The following TAOK2 variants were observed in gnomAD, a reference collection of about 807,000 sequenced individuals.
TAOK2 encodes the protein serine/threonine-protein kinase TAO2.
In TAOK2, 42 loss-of-function variants were observed where a neutral mutation model predicts 122.5. The ratio of observed to expected loss-of-function variants is 0.34; its 90% CI spans 0.27 to 0.44. The LOEUF is 0.44. Among genes scored for constraint, TAOK2 ranks in the 20% least tolerant of loss-of-function variants. The probability of loss-of-function intolerance (pLI) is 1.00; values close to 1 mark genes in which losing one functional copy is unlikely to be tolerated. For missense variants in TAOK2, 1,264 were observed against 1,644.9 expected (o/e 0.77, Z 4.01); for synonymous variants, 704 against 677.6 (o/e 1.04, Z -0.61).
downstream of TAOK2, chr16:29,991,367 GC>G: frequency 6.3e-7 from 1 of 1,588,914 alleles, no homozygotes; most frequent in Non-Finnish European, 8.6e-7. This position sits in a 1 kb window ranked among gnomAD's most constrained non-coding sequence, Gnocchi z 5.6. Context: ...ACTGGCTGGG[GC>G]CCCCCACACA....
Position 29,986,549 on chromosome 16 carries a change from T to G in TAOK2, c.2277T>G (p.Pro759=), listed in dbSNP as rs1367028795. ...QRPPGLPLPI[P]GALGPPNTGT... Reference sequence around the variant, plus strand: ...CCCCGGGCCTTCCACTCCCCATTCCTGGGGCTCTGGGCCCACCCAACACAG... The same window carrying G: ...CCCCGGGCCTTCCACTCCCCATTCCGGGGGCTCTGGGCCCACCCAACACAG... The change falls in exon 16 of 16, where the codon CCT becomes CCG. Residue 759 remains proline, a synonymous_variant. Coordinates refer to ENST00000308893, the MANE Select transcript of TAOK2 (RefSeq NM_016151.4). This position sits in a 1 kb window ranked among gnomAD's most constrained non-coding sequence, Gnocchi z 4.2. 4.3e-6 allele frequency: 7 copies of G among 1,613,724 alleles called. No individual in the cohort carries two copies. The highest frequency in any genetic ancestry group is 5.9e-6 in the Non-Finnish European group (7 of 1,179,878).
chr16:29,985,670 A>G lies in TAOK2; in HGVS notation c.1801A>G (p.Asn601Asp). ...KEQLKEELQE[N>D]PSTPKREKAE... ...TGCACTCGCCCAGGAGCTCCAGGAG[A>G]ACCCCAGCACTCCCAAGCGGGAGAA... Residue 601 changes from asparagine to aspartate, a missense_variant, in exon 15 of 16, where the codon AAC becomes GAC. By Grantham distance (23) the Asn-to-Asp change is conservative (BLOSUM62 1). Coordinates refer to ENST00000308893, the MANE Select transcript of TAOK2 (RefSeq NM_016151.4). This position sits in a 1 kb window ranked among gnomAD's most constrained non-coding sequence, Gnocchi z 6.9. The G allele has an allele frequency of 6.2e-7, 1 of 1,609,838 alleles. No individual in the cohort carries two copies. Among genetic ancestry groups the G allele is most frequent in the Non-Finnish European group, 8.5e-7 (1 of 1,178,284 alleles).
Position 29,982,068 on chromosome 16 carries a change from C to A in TAOK2, c.831+128C>A. On this transcript the variant is annotated intron_variant, in intron 10 of 15. Transcript: ENST00000308893. ...CTTCGTTGATGAATTCCCACCCCAT[C>A]CCCAATGCCTAGTGGACTCTGTGTT... The A allele has an allele frequency of 1.6e-5, 12 of 732,226 alleles. No individual in the cohort carries two copies. In the South Asian group the frequency reaches 1.9e-4, roughly 12 times the overall value. The allele number at this position is 732,226 out of a possible 1,614,324, so 45.4% of individuals were successfully genotyped here.
At position 29,979,649 on chromosome 16, in the gene TAOK2, A is replaced by G; in HGVS notation, c.655+141A>G. On this transcript the variant is annotated intron_variant, in intron 8 of 15. Transcript: ENST00000308893. This position sits in a 1 kb window ranked among gnomAD's most constrained non-coding sequence, Gnocchi z 4.1. ...CGTTGTGACTCTACCCTGGAGCCCA[A>G]TACAGGCAGCTGGCAAATTCTGCCA... 1.5e-6 allele frequency: 1 copy of G among 648,288 alleles called. No homozygotes were observed. The allele number at this position is 648,288 out of a possible 1,614,324, so 40.2% of individuals were successfully genotyped here. A position where few individuals can be genotyped will look rare whatever the true frequency, so the allele number is the denominator to read the frequency against.
chr16:29,988,593 G>A (rs530630255), downstream of TAOK2: 24 of 985,388 alleles, frequency 2.4e-5, no homozygotes, highest in African/African-American at 5.2e-5. Flanking sequence ...TCTGGGGTCT[G>A]GGCCCCTGTA....
In TAOK2 at chr16:29,979,531, CTCA is replaced by C. The variant is rs1567239973; in HGVS notation, c.655+29_655+31del. ...TGGGTAAGAACATCCTCCCTGTTCCCTCATCATCTTTTCCATTCTTTCCTGTTA... is the reference window on the plus strand; with the variant it reads ...TGGGTAAGAACATCCTCCCTGTTCCCTCATCTTTTCCATTCTTTCCTGTTA... On this transcript the variant is annotated intron_variant, in intron 8 of 15. Transcript: ENST00000308893. This position sits in a 1 kb window ranked among gnomAD's most constrained non-coding sequence, Gnocchi z 4.1. 6 of 1,484,240 alleles carry C rather than the reference CTCA, an allele frequency of 4.0e-6. No individual in the cohort carries two copies. In the African/African-American group the frequency reaches 5.6e-5, roughly 14 times the overall value. The allele number at this position is 1,484,240 out of a possible 1,614,324, so 91.9% of individuals were successfully genotyped here. A position where few individuals can be genotyped will look rare whatever the true frequency, so the allele number is the denominator to read the frequency against.
intron 10 of TAOK2, 34 bp downstream of exon 10, chr16:29,981,974 C>T (rs557122951): frequency 1.5e-4 from 242 of 1,562,502 alleles, no homozygotes; most frequent in Non-Finnish European, 2.1e-4. Context: ...TCTCCTGGAA[C>T]TGTAGCTTGT....
rs368657106 is a variant in TAOK2, at chr16:29,979,398, C to T, written c.564-19C>T. 4.4e-6 allele frequency: 7 copies of T among 1,600,514 alleles called. No homozygotes were observed. The highest frequency in any genetic ancestry group is 2.2e-5 in the East Asian group (1 of 44,730). On this transcript the variant is annotated intron_variant, in intron 7 of 15. Coordinates refer to ENST00000308893, the MANE Select transcript of TAOK2 (RefSeq NM_016151.4). This position sits in a 1 kb window ranked among gnomAD's most constrained non-coding sequence, Gnocchi z 4.1. ...GTCTCGGCGGGTGATTTGCCTCTCTCTCCTGACCATTCTCCTAGGATGGCA... is the reference window on the plus strand; with the variant it reads ...GTCTCGGCGGGTGATTTGCCTCTCTTTCCTGACCATTCTCCTAGGATGGCA...
At chr16:29,980,445 C>T (rs756531830) in intron 8 of TAOK2, 2 of 152,284 alleles carry the variant, frequency 1.3e-5, no homozygotes, top group African/African-American at 2.4e-5. Context: ...ATGAGTGGCC[C>T]CCTGTTGCCT....
chr16:29,985,597 G>T lies in TAOK2; in HGVS notation c.1788+19G>T. On this transcript the variant is annotated intron_variant, in intron 14 of 15. Coordinates refer to ENST00000308893, the MANE Select transcript of TAOK2 (RefSeq NM_016151.4). The surrounding 1 kb of genome is among the most constrained non-coding windows in gnomAD (Gnocchi z 6.9). Reference sequence around the variant, plus strand: ...GAAGGAGGTGAGCTAGGGCTGCTTGGGGGCGGAGCCGATGGCGAGCCAGGT... The same window carrying T: ...GAAGGAGGTGAGCTAGGGCTGCTTGTGGGCGGAGCCGATGGCGAGCCAGGT... 6.2e-7 allele frequency: 1 copy of T among 1,602,478 alleles called. No individual in the cohort carries two copies.
chr16:29,985,097 A>C lies in TAOK2; in HGVS notation c.1423-116A>C. On this transcript the variant is annotated intron_variant, in intron 13 of 15. Coordinates refer to ENST00000308893, the MANE Select transcript of TAOK2 (RefSeq NM_016151.4). This position sits in a 1 kb window ranked among gnomAD's most constrained non-coding sequence, Gnocchi z 6.9. ...AGTGGCCGTGTGTGAGGAAGGTGTT[A>C]AATGAGAATGAAACCCATGAGTTGA... is the stretch of plus-strand genomic sequence containing the variant. 1 of 1,318,130 alleles carries C rather than the reference A, an allele frequency of 7.6e-7. No homozygotes were observed. The highest frequency in any genetic ancestry group is 9.9e-7 in the Non-Finnish European group (1 of 1,008,956). The allele number at this position is 1,318,130 out of a possible 1,614,324, so 81.7% of individuals were successfully genotyped here. A position where few individuals can be genotyped will look rare whatever the true frequency, so the allele number is the denominator to read the frequency against.
chr16:29,988,924 G>C (rs1396928915), downstream of TAOK2: 13 of 985,272 alleles, frequency 1.3e-5, no homozygotes, highest in Non-Finnish European at 1.6e-5. Flanking sequence ...CAGGGTGGTA[G>C]CTGCTGGCCG....
Position 29,978,335 on chromosome 16 carries a change from G to A in TAOK2, c.288G>A (p.Leu96=), listed in dbSNP as rs2069518146. The change falls in exon 4 of 16, where the codon CTG becomes CTA. Residue 96 remains leucine, a synonymous_variant. Coordinates refer to ENST00000308893, the MANE Select transcript of TAOK2 (RefSeq NM_016151.4). ...PNTIQYRGCY[L]REHTAWLVME... is the part of the protein sequence containing the mutation. The stretch of plus-strand genomic sequence containing the variant: ...CCATTCAGTACCGGGGCTGTTACCT[G>A]AGGGAGCACACGGCTTGGGTGAGCT... 17 of 1,614,172 alleles carry A rather than the reference G, an allele frequency of 1.1e-5. No homozygotes were observed. The highest frequency in any genetic ancestry group is 1.4e-5 in the Non-Finnish European group (17 of 1,180,030).
intron 1 of TAOK2, among the ~76,000 whole-genome samples, chr16:29,976,297 C>T (rs1038780145): frequency 1.3e-5 from 2 of 152,104 alleles, no homozygotes; most frequent in African/African-American, 4.8e-5. Flanking sequence ...GAGCAACCTG[C>T]GAGCTGCTGA....
chr16:29,986,349 C>A lies in TAOK2; in HGVS notation c.2077C>A (p.Arg693=), dbSNP rs780259481. The A allele has an allele frequency of 1.9e-6, 3 of 1,586,122 alleles. 1 individual carries two copies. The South Asian group carries it at 3.4e-5, about 18-fold the overall frequency. The stretch of plus-strand genomic sequence containing the variant: ...CGAGGCCACGCGGGAGCTGGAGCTG[C>A]GGCAGCTCCAGGCCGTGCAGCGCAC... ...QHEATRELEL[R]QLQAVQRTRA... is the part of the protein sequence containing the mutation. The change falls in exon 16 of 16, where the codon CGG becomes AGG. Residue 693 remains arginine (R), a synonymous_variant. Transcript: ENST00000308893. The surrounding 1 kb of genome is among the most constrained non-coding windows in gnomAD (Gnocchi z 4.2).
In TAOK2 at chr16:29,986,914, T is replaced by C; in HGVS notation, c.2642T>C (p.Leu881Pro). ...TGGGGGAAGGAGGATGAGAGTCTTC[T>C]GGATGAGGAGTTTGAGCTTGGCTGG... The part of the protein sequence containing the change: ...SLWGKEDESL[L>P]DEEFELGWVQ... The change falls in exon 16 of 16, where the codon CTG becomes CCG. Residue 881 changes from leucine (L) to proline (P), a missense_variant. Leu to Pro is a moderately conservative substitution (Grantham distance 98, BLOSUM62 -3). Around this residue, in one of 4 missense-constraint regions of TAOK2, gnomAD observed 824 missense variants for 908.7 expected, o/e 0.91. Transcript: ENST00000308893. The surrounding 1 kb of genome is among the most constrained non-coding windows in gnomAD (Gnocchi z 4.2). 6.2e-7 allele frequency: 1 copy of C among 1,613,616 alleles called. No individual in the cohort carries two copies. The highest frequency in any genetic ancestry group is 8.5e-7 in the Non-Finnish European group (1 of 1,179,574).
intron 2 of TAOK2, 51 bp downstream of exon 2, chr16:29,977,955 C>G (rs757288174): frequency 6.2e-7 from 1 of 1,613,400 alleles, no homozygotes; most frequent in Non-Finnish European, 8.5e-7. Context: ...CTTCCTATCC[C>G]TGTGGACTTC....
At chr16:29,978,418 A>G (rs11860782) in intron 4 of TAOK2, 65 bp downstream of exon 4, 105,218 of 1,533,990 alleles carry the variant, frequency 0.069, 4,273 homozygotes, top group African/African-American at 0.16. Flanking sequence ...ATCGTAGTCC[A>G]GTCTCTTAGG....
intron 12 of TAOK2, 65 bp from the exon 13 acceptor site, chr16:29,983,438 C>T: frequency 6.4e-7 from 1 of 1,566,480 alleles, no homozygotes; most frequent in Non-Finnish European, 8.7e-7. Flanking sequence ...ATTGGCTGTC[C>T]TCAGGTAGCT....
Sources: allele counts gnomAD v4.1 joint callset (sites outside exome capture counted in the v4.1 genomes callset), GRCh38; gene constraint gnomAD v4.1.1; regional missense constraint gnomAD v4.1.1; non-coding constraint Gnocchi (gnomAD v3.1); transcripts MANE v1.5; gene names NCBI Gene and HGNC (gene_info 2026-07-23, HGNC 2026-07-21).